Variants in HACL1 observed in about 807,000 individuals in gnomAD.
HACL1 encodes 2-hydroxyacyl-CoA lyase 1, also known as 1600020H07Rik.
In HACL1, 64 loss-of-function variants were observed where a neutral mutation model predicts 74.2. The observed-to-expected ratio is 0.86, with a 90% CI of 0.70 to 1.06. The LOEUF is 1.06. Ranked by LOEUF, HACL1 falls within the 50% of genes least tolerant of loss-of-function variation. The pLI is 0.00. For missense variants in HACL1, 728 were observed against 719.7 expected, an observed-to-expected ratio of 1.01 and a Z score of -0.13; for synonymous variants, 230 against 238.8, an observed-to-expected ratio of 0.96 and a Z score of 0.34.
intron 5 of HACL1, among the ~76,000 whole-genome samples, chr3:15,586,944 G>A (rs370216983): frequency 6.6e-5 from 10 of 152,176 alleles, no homozygotes; most frequent in African/African-American, 1.9e-4. Context: ...ATTTAAATCA[G>A]CATATCTTTG....
At chr3:15,562,360 G>A (rs2063357941) in intron 16 of HACL1, among the ~76,000 whole-genome samples, 1 of 152,144 alleles carries the variant, frequency 6.6e-6, no homozygotes, top group African/African-American at 2.4e-5. Flanking sequence ...TAGGTTTCTT[G>A]AGTATCTCCT....
chr3:15,576,724 C>T (rs1261766014), intron 9 of HACL1, among the ~76,000 whole-genome samples: 1 of 152,046 alleles, frequency 6.6e-6, no homozygotes, highest in African/African-American at 2.4e-5. Flanking sequence ...CATTTTTCTG[C>T]TTTTTATCTG....
chr3:15,591,727 T>C lies in HACL1; in HGVS notation c.228-47A>G, dbSNP rs781186505. 17 of 1,240,094 alleles carry C rather than the reference T, an allele frequency of 1.4e-5. No individual in the cohort carries two copies. In the Admixed American group the frequency reaches 2.7e-4, roughly 20 times the overall value. The allele number at this position is 1,240,094 out of a possible 1,614,324, so 76.8% of individuals were successfully genotyped here. ...TTAAAATCAGGTCAAATGTAACAAC[T>C]GATTCATAACACTTTAGTGTGAAAC... On this transcript the variant is annotated intron_variant, in intron 3 of 16. Coordinates refer to ENST00000321169, the MANE Select transcript of HACL1 (RefSeq NM_012260.4).
At chr3:15,583,045 G>A (rs560101903) in intron 7 of HACL1, 56 bp from the exon 8 acceptor site, 80 of 814,540 alleles carry the variant, frequency 9.8e-5, no homozygotes, top group Admixed American at 7.9e-4. Context: ...TTTTTATTGT[G>A]AAAATTTCAA....
intron 2 of HACL1, among the ~76,000 whole-genome samples, chr3:15,598,203 TA>T (rs2064107080): frequency 1.3e-5 from 2 of 152,166 alleles, no homozygotes. Flanking sequence ...TTTATATTTT[TA>T]GAAACGGGGT....
At chr3:15,592,103 G>A (rs11716782) in intron 3 of HACL1, among the ~76,000 whole-genome samples, 13,429 of 137,108 alleles carry the variant, frequency 0.098, 875 homozygotes, top group East Asian at 0.18. Flanking sequence ...CACTATATAC[G>A]TATATATACA....
chr3:15,560,847 A>C lies in HACL1; in HGVS notation c.*18T>G. ...TGCAAGAAAGAGAAAACTCAAGACC[A>C]CCAACTGGCGTCTTTATTTACATAT... On this transcript the variant is annotated 3_prime_UTR_variant, in exon 17 of 17. Transcript: ENST00000321169. 6.3e-7 allele frequency: 1 copy of C among 1,579,470 alleles called. No homozygotes were observed. The highest frequency in any genetic ancestry group is 1.1e-5 in the South Asian group (1 of 88,848).
In HACL1 at chr3:15,601,112, A is replaced by G; in HGVS notation, c.164T>C (p.Ile55Thr). ...CACCGCTTGCTCATTCCTCATCCCG[A>G]TGTACTTGATGCCTAGCTGCTGGGC... ...IAAQQLGIKY[I>T]GMRNEQAACY... Residue 55 changes from isoleucine to threonine, a missense_variant, in exon 2 of 17, where the codon ATC becomes ACC. Ile to Thr is a moderately conservative substitution (Grantham distance 89). Transcript: ENST00000321169. 6.2e-7 allele frequency: 1 copy of G among 1,612,838 alleles called. No homozygotes were observed. Among genetic ancestry groups the G allele is most frequent in the Non-Finnish European group, 8.5e-7 (1 of 1,178,844 alleles).
chr3:15,587,532 C>G (rs2063816391), intron 5 of HACL1, among the ~76,000 whole-genome samples: 1 of 151,176 alleles, frequency 6.6e-6, no homozygotes, highest in South Asian at 2.1e-4. Context: ...GATTCTTTCT[C>G]TTCTGTTTTT....
chr3:15,598,326 TG>T (rs2064110302), intron 2 of HACL1, among the ~76,000 whole-genome samples: 2 of 152,194 alleles, frequency 1.3e-5, no homozygotes, highest in Admixed American at 1.3e-4. Flanking sequence ...TGGCCATAAC[TG>T]GTTTTATGAC....
chr3:15,576,497 C>T (rs928451198), intron 9 of HACL1, among the ~76,000 whole-genome samples: 16 of 152,098 alleles, frequency 1.1e-4, no homozygotes, highest in Admixed American at 2.0e-4. Context: ...TTTCTACTTT[C>T]GTAAACAACC....
chr3:15,589,705 G>A (rs1212394890), intron 4 of HACL1, 93 bp from the exon 5 acceptor site: 3 of 803,558 alleles, frequency 3.7e-6, no homozygotes, highest in Non-Finnish European at 4.2e-6. Context: ...AATAATAAAT[G>A]TTAAAGGGAG....
chr3:15,593,274 C>A (rs934332291), intron 3 of HACL1, among the ~76,000 whole-genome samples: 1 of 151,620 alleles, frequency 6.6e-6, no homozygotes, highest in African/African-American at 2.4e-5. Flanking sequence ...AGTGCAGTGG[C>A]ATGATCAGGG....
chr3:15,563,923 T>C (rs1164963136), intron 15 of HACL1, among the ~76,000 whole-genome samples: 2 of 152,096 alleles, frequency 1.3e-5, no homozygotes, highest in African/African-American at 4.8e-5. Flanking sequence ...GCTACTATAC[T>C]AGACAGCACA....
At chr3:15,569,627 GC>G (rs1397913755) in intron 12 of HACL1, among the ~76,000 whole-genome samples, 1 of 152,056 alleles carries the variant, frequency 6.6e-6, no homozygotes, top group East Asian at 1.9e-4. Flanking sequence ...TTCGAGACCA[GC>G]CTGACCAACA....
rs751286289 is a variant in HACL1, at chr3:15,580,062, T to C, written c.668-17A>G. 32 of 1,606,276 alleles carry C rather than the reference T, an allele frequency of 2.0e-5. No homozygotes were observed. Among genetic ancestry groups the C allele is most frequent in the South Asian group, 1.9e-4 (17 of 90,408 alleles). ...AAGCAGCACCTATAAGAAATGCAAATGTATTGGACAATTCAGTTAAGCTAT... is the reference window on the plus strand; with the variant it reads ...AAGCAGCACCTATAAGAAATGCAAACGTATTGGACAATTCAGTTAAGCTAT... On this transcript the variant is annotated splice_polypyrimidine_tract_variant and intron_variant, in intron 8 of 16. Coordinates refer to ENST00000321169, the MANE Select transcript of HACL1 (RefSeq NM_012260.4).
chr3:15,561,389 A>C (rs190191258), intron 16 of HACL1, among the ~76,000 whole-genome samples: 2 of 152,386 alleles, frequency 1.3e-5, no homozygotes, highest in African/African-American at 2.4e-5. Flanking sequence ...AGACGGACAG[A>C]AAGACAAAAA....
At chr3:15,564,687 T>C in intron 14 of HACL1, 29 bp from the exon 15 acceptor site, 1 of 864,440 alleles carries the variant, frequency 1.2e-6, no homozygotes, top group Non-Finnish European at 1.9e-6. Context: ...ATGAAGGAAA[T>C]CATTCTTCAT....
chr3:15,589,721 A>C, intron 4 of HACL1, 109 bp from the exon 5 acceptor site: 1 of 761,010 alleles, frequency 1.3e-6, no homozygotes, highest in South Asian at 1.7e-5. Flanking sequence ...GGGAGAGAAT[A>C]TTATATTTTT....
Sources: gnomAD v4.1 joint callset for allele counts (sites outside exome capture counted in the v4.1 genomes callset) on GRCh38, gnomAD v4.1.1 for gene constraint, MANE v1.5 for transcripts, NCBI Gene and HGNC (gene_info 2026-07-23, HGNC 2026-07-21) for gene names.